IL10RB: variants seen among roughly 807,000 people sequenced by gnomAD.
The protein encoded by IL10RB is interleukin-10 receptor subunit beta.
In IL10RB, 30 loss-of-function variants were observed where a neutral mutation model predicts 38.7. The observed-to-expected ratio is 0.78, with a 90% CI of 0.58 to 1.05. IL10RB has a LOEUF of 1.05. Among genes scored for constraint, IL10RB ranks in the 50% least tolerant of loss-of-function variants. The probability of loss-of-function intolerance (pLI) is 0.00; values close to 1 mark genes in which losing one functional copy is unlikely to be tolerated. For missense variants in IL10RB, 328 were observed against 397.1 expected, an observed-to-expected ratio of 0.83 and a Z score of 1.48; for synonymous variants, 142 against 145.9, an observed-to-expected ratio of 0.97 and a Z score of 0.19.
rs188499912 is a variant in IL10RB, at chr21:33,295,180, G to A, written c.805-1004G>A. 2.5e-3 allele frequency among the ~76,000 whole-genome samples: 381 copies of A among 151,976 alleles called. 2 individuals are homozygous for A. Among genetic ancestry groups the A allele is most frequent in the African/African-American group, 6.4e-3 (267 of 41,464 alleles). ...GGAGATCGAGACCATCCTAGCTAACGCTGTGAAACCCTGTCTCTACTAAAA... is the reference window on the plus strand; with the variant it reads ...GGAGATCGAGACCATCCTAGCTAACACTGTGAAACCCTGTCTCTACTAAAA... On this transcript the variant is annotated intron_variant, in intron 6 of 6. Coordinates refer to ENST00000290200, the MANE Select transcript of IL10RB (RefSeq NM_000628.5).
rs554446398 is a variant in IL10RB, at chr21:33,305,239, G to T, written c.130-3737G>T. On this transcript the variant is annotated intron_variant, in intron 1 of 1. Coordinates refer to the IL10RB transcript ENST00000609556. ...TTATCCCACCTCAGCTTCTGGAGTA[G>T]CAGGAACTACCGATGCGCACCACCA... 3.3e-5 allele frequency among the ~76,000 whole-genome samples: 5 copies of T among 152,204 alleles called. No homozygotes were observed. In the East Asian group the frequency reaches 7.7e-4, roughly 23 times the overall value.
chr21:33,268,620 G>A (rs1451253360), intron 2 of IL10RB, 103 bp downstream of exon 2: 2 of 852,292 alleles, frequency 2.3e-6, no homozygotes, highest in South Asian at 1.3e-5. Context: ...TACGGTCACC[G>A]TGTGACTGTG....
intron 1 of IL10RB, among the ~76,000 whole-genome samples, chr21:33,303,574 C>T (rs370144744): frequency 2.9e-4 from 44 of 152,198 alleles, no homozygotes; most frequent in African/African-American, 9.4e-4. Context: ...AGGCTGGTAT[C>T]GAACTCCTGA....
intron 1 of IL10RB, among the ~76,000 whole-genome samples, chr21:33,307,406 CT>C (rs1174155720): frequency 1.3e-5 from 2 of 152,188 alleles, no homozygotes; most frequent in African/African-American, 2.4e-5. Context: ...CCCTCTTTCC[CT>C]CTAGTATATA....
At chr21:33,309,241 T>G (rs1165729373) in exon 2 of IL10RB, 2 of 152,234 alleles carry the variant, frequency 1.3e-5, no homozygotes, top group Admixed American at 6.5e-5. Context: ...CACCAGCATA[T>G]GCAAGACCAG....
intron 1 of IL10RB, among the ~76,000 whole-genome samples, chr21:33,303,114 G>A (rs1209101530): frequency 6.6e-6 from 1 of 152,178 alleles, no homozygotes; most frequent in Admixed American, 6.5e-5. Flanking sequence ...GGAAGGGGGA[G>A]CCACGAAGAC....
intron 6 of IL10RB, among the ~76,000 whole-genome samples, chr21:33,290,448 G>A (rs1007122366): frequency 4.6e-5 from 7 of 152,146 alleles, no homozygotes; most frequent in East Asian, 1.9e-4. Flanking sequence ...GATCTGCCCC[G>A]TGGGCCTTTG....
chr21:33,307,055 C>T (rs1025663330), intron 1 of IL10RB, among the ~76,000 whole-genome samples: 1 of 152,148 alleles, frequency 6.6e-6, no homozygotes, highest in African/African-American at 2.4e-5. Flanking sequence ...TTGCCAGAGG[C>T]TGCAGGCCCC....
intron 4 of IL10RB, among the ~76,000 whole-genome samples, chr21:33,281,681 C>G (rs968386661): frequency 5.3e-5 from 8 of 152,166 alleles, no homozygotes; most frequent in Non-Finnish European, 7.3e-5. Flanking sequence ...CTCCTGGGTT[C>G]AAGCAATTCT....
chr21:33,270,991 G>A (rs538465753), intron 2 of IL10RB, among the ~76,000 whole-genome samples: 57 of 152,244 alleles, frequency 3.7e-4, no homozygotes, highest in Middle Eastern at 6.8e-3. Context: ...ATGCCTTTTT[G>A]CCATTATAGT....
chr21:33,266,800 TC>T (rs1050601694), intron 1 of IL10RB, among the ~76,000 whole-genome samples: 1 of 152,162 alleles, frequency 6.6e-6, no homozygotes, highest in African/African-American at 2.4e-5. Context: ...CCTGCAGCTC[TC>T]TGCTGGCGGG....
chr21:33,287,992 C>G lies in IL10RB; in HGVS notation c.647-112C>G. ...CCAGTTGCTGTTTCTGAGACGTCCCCCAAGATAAACGTACAGGCTCTGTTT... is the reference window on the plus strand; with the variant it reads ...CCAGTTGCTGTTTCTGAGACGTCCCGCAAGATAAACGTACAGGCTCTGTTT... On this transcript the variant is annotated intron_variant, in intron 5 of 6. Transcript: ENST00000290200. 4.7e-6 allele frequency: 5 copies of G among 1,055,082 alleles called. No individual in the cohort carries two copies. The South Asian group carries it at 5.0e-5, about 11-fold the overall frequency. The allele number at this position is 1,055,082 out of a possible 1,614,324, so 65.4% of individuals were successfully genotyped here. A position where few individuals can be genotyped will look rare whatever the true frequency, so the allele number is the denominator to read the frequency against.
chr21:33,269,335 A>G (rs1989034305), intron 2 of IL10RB, among the ~76,000 whole-genome samples: 1 of 151,586 alleles, frequency 6.6e-6, no homozygotes, highest in Middle Eastern at 3.4e-3. Flanking sequence ...GCCAGGCGCA[A>G]ACAGCAGCAG....
chr21:33,287,350 G>C (rs1989393681), intron 5 of IL10RB, among the ~76,000 whole-genome samples: 1 of 150,900 alleles, frequency 6.6e-6, no homozygotes, highest in South Asian at 2.1e-4. Flanking sequence ...GGGTTTGTTT[G>C]TTTTGGCTTT....
chr21:33,269,852 G>A (rs8178455), intron 2 of IL10RB, among the ~76,000 whole-genome samples: 1 of 152,012 alleles, frequency 6.6e-6, no homozygotes, highest in Admixed American at 6.6e-5. Context: ...TAGAGACGGG[G>A]TTTCACCGTG....
downstream of IL10RB, among the ~76,000 whole-genome samples, chr21:33,298,896 C>T (rs1028395670): frequency 6.6e-6 from 1 of 152,144 alleles, no homozygotes; most frequent in African/African-American, 2.4e-5. Flanking sequence ...CCTCCCTTCT[C>T]TTTGTCGTCA....
chr21:33,308,188 T>C (rs2083003363), intron 1 of IL10RB: 1 of 152,246 alleles, frequency 6.6e-6, no homozygotes, highest in South Asian at 2.1e-4. Context: ...TTCACAGCTC[T>C]CTGGCATCAA....
intron 2 of IL10RB, among the ~76,000 whole-genome samples, chr21:33,274,460 C>A (rs914950779): frequency 6.6e-6 from 1 of 152,166 alleles, no homozygotes; most frequent in African/African-American, 2.4e-5. Context: ...AGGCATGAGC[C>A]ACTGTGCCCA....
intron 4 of IL10RB, among the ~76,000 whole-genome samples, chr21:33,280,326 G>T (rs190529568): frequency 6.6e-6 from 1 of 152,256 alleles, no homozygotes; most frequent in East Asian, 1.9e-4. Context: ...TTCTTCAGGG[G>T]ACAATTTCTT....
Sources: gnomAD v4.1 joint callset for allele counts (sites outside exome capture counted in the v4.1 genomes callset) on GRCh38, gnomAD v4.1.1 for gene constraint, MANE v1.5 for transcripts, NCBI Gene and HGNC (gene_info 2026-07-23, HGNC 2026-07-21) for gene names.